The following FNDC3B variants were observed in gnomAD, a reference collection of about 807,000 sequenced individuals.
FNDC3B encodes fibronectin type III domain containing 3B, also known as fibronectin type III domain-containing protein 3B.
A neutral mutation model predicts 151.5 loss-of-function variants in FNDC3B; 12 were observed. The observed-to-expected ratio is 0.08, with a 90% confidence interval of 0.05 to 0.13. The LOEUF (loss-of-function observed/expected upper bound fraction) is 0.13, where lower values mean the gene tolerates loss of function less well. Ranked by LOEUF, FNDC3B falls within the 10% of genes least tolerant of loss-of-function variation. The pLI is 1.00. For synonymous variants in FNDC3B, 528 were observed against 549.0 expected (o/e 0.96, Z 0.54); for missense variants, 1,214 against 1,505.3 (o/e 0.81, Z 3.20).
At chr3:172,174,050 T>C (rs1723422722) in intron 3 of FNDC3B, among the ~76,000 whole-genome samples, 1 of 152,158 alleles carries the variant, frequency 6.6e-6, no homozygotes, top group South Asian at 2.1e-4. Context: ...GGGAAATGTG[T>C]CTGTACTCTG....
At chr3:172,215,649 A>G (rs1725941402) in intron 3 of FNDC3B, among the ~76,000 whole-genome samples, 1 of 152,152 alleles carries the variant, frequency 6.6e-6, no homozygotes, top group South Asian at 2.1e-4. Context: ...ACTTAAACCC[A>G]GGAGGCAGAG....
chr3:172,229,017 G>C (rs1297957225), intron 4 of FNDC3B, among the ~76,000 whole-genome samples: 1 of 151,104 alleles, frequency 6.6e-6, no homozygotes, highest in Non-Finnish European at 1.5e-5. Context: ...AAATGTCTTA[G>C]TTGTCTTGTT....
chr3:172,316,463 C>A (rs1260875398), intron 11 of FNDC3B: 5 of 455,824 alleles, frequency 1.1e-5, no homozygotes, highest in Non-Finnish European at 1.8e-5. Context: ...TCATAAATGT[C>A]TGCCCAGTCT....
intron 3 of FNDC3B, among the ~76,000 whole-genome samples, chr3:172,221,933 C>T (rs1472315500): frequency 6.6e-6 from 1 of 152,170 alleles, no homozygotes; most frequent in East Asian, 1.9e-4. Flanking sequence ...CTAGCTGTGG[C>T]CTTATGGCTA....
At chr3:172,218,605 A>C (rs2108727482) in intron 3 of FNDC3B, among the ~76,000 whole-genome samples, 1 of 152,352 alleles carries the variant, frequency 6.6e-6, no homozygotes, top group African/African-American at 2.4e-5. Context: ...TCATCGAGGC[A>C]CAGTGCTAGG....
intron 1 of FNDC3B, among the ~76,000 whole-genome samples, chr3:172,060,603 G>T (rs1045708247): frequency 6.6e-6 from 1 of 152,186 alleles, no homozygotes; most frequent in African/African-American, 2.4e-5. Flanking sequence ...TAAAGATGCG[G>T]CAAGAGAAGA....
intron 3 of FNDC3B, among the ~76,000 whole-genome samples, chr3:172,146,388 G>A (rs998245602): frequency 2.6e-5 from 4 of 151,928 alleles, no homozygotes; most frequent in African/African-American, 7.3e-5. Context: ...AATTACCTGG[G>A]AACTTAAAAA....
intron 21 of FNDC3B, among the ~76,000 whole-genome samples, chr3:172,347,602 C>G (rs952237408): frequency 1.3e-5 from 2 of 152,156 alleles, no homozygotes; most frequent in African/African-American, 4.8e-5. Flanking sequence ...TTCTCACCAC[C>G]CTTGTATCTT....
rs1290214708 is a variant in FNDC3B at position 172,400,078 on chromosome 3, C to T, written c.*2603C>T. The T allele has an allele frequency of 6.6e-6, 1 of 152,352 alleles. No homozygotes were observed. Among genetic ancestry groups the T allele is most frequent in the East Asian group, 1.9e-4 (1 of 5,202 alleles). The allele number at this position is 152,352 out of a possible 1,614,324, so 9.4% of individuals were successfully genotyped here. Reference sequence around the variant, plus strand: ...ATGTATATGTGATATTGATATATAACTATATATATTGCCATCACACACGAA... The same window carrying T: ...ATGTATATGTGATATTGATATATAATTATATATATTGCCATCACACACGAA... On this transcript the variant is annotated 3_prime_UTR_variant, in exon 26 of 26. Coordinates refer to ENST00000415807, the MANE Select transcript of FNDC3B (RefSeq NM_022763.4).
intron 22 of FNDC3B, among the ~76,000 whole-genome samples, chr3:172,356,227 G>C (rs924329632): frequency 6.6e-6 from 1 of 152,140 alleles, no homozygotes; most frequent in Admixed American, 6.5e-5. Flanking sequence ...TAGCAGACGA[G>C]TCAGACAGCC....
At chr3:172,236,541 C>A (rs938351445) in intron 4 of FNDC3B, among the ~76,000 whole-genome samples, 2 of 152,150 alleles carry the variant, frequency 1.3e-5, no homozygotes, top group Non-Finnish European at 2.9e-5. Flanking sequence ...TTAAGTTAAT[C>A]AATTGCTGTT....
chr3:172,298,849 G>A (rs567102702), intron 9 of FNDC3B, 62 bp downstream of exon 9: 35 of 1,230,006 alleles, frequency 2.8e-5, no homozygotes, highest in Admixed American at 1.9e-4. Flanking sequence ...GCAAAAACAT[G>A]TACTCCCTTT....
intron 1 of FNDC3B, among the ~76,000 whole-genome samples, chr3:172,065,238 A>G (rs537086092): frequency 2.6e-5 from 4 of 152,350 alleles, no homozygotes; most frequent in African/African-American, 9.6e-5. Flanking sequence ...AGTCTGAGGC[A>G]GGAGAATTGC....
intron 3 of FNDC3B, among the ~76,000 whole-genome samples, chr3:172,210,132 C>T (rs552886661): frequency 1.9e-4 from 29 of 152,244 alleles, no homozygotes; most frequent in Middle Eastern, 3.4e-3. Flanking sequence ...GACGCAGGCT[C>T]CCACCCTGCC....
chr3:172,376,087 T>C (rs1315448496), intron 23 of FNDC3B, among the ~76,000 whole-genome samples: 3 of 152,224 alleles, frequency 2.0e-5, no homozygotes, highest in Admixed American at 6.5e-5. Flanking sequence ...TATCAGCTGT[T>C]TCCACTATGT....
At chr3:172,062,761 T>TCCAC (rs2108474215) in intron 1 of FNDC3B, among the ~76,000 whole-genome samples, 1 of 152,208 alleles carries the variant, frequency 6.6e-6, no homozygotes, top group African/African-American at 2.4e-5. Context: ...TATCCATCCA[T>TCCAC]CCACCCATCC....
intron 3 of FNDC3B, among the ~76,000 whole-genome samples, chr3:172,209,012 C>T (rs1725577934): frequency 6.6e-6 from 1 of 152,008 alleles, no homozygotes; most frequent in African/African-American, 2.4e-5. Flanking sequence ...CCACAGAGCC[C>T]CAAAGAGGGT....
chr3:172,372,289 G>T (rs1159419759), intron 23 of FNDC3B, among the ~76,000 whole-genome samples: 1 of 152,138 alleles, frequency 6.6e-6, no homozygotes, highest in Non-Finnish European at 1.5e-5. Flanking sequence ...AGCTTCATGG[G>T]CACAGGCAGC....
chr3:172,287,673 C>T (rs1365689838), intron 7 of FNDC3B, among the ~76,000 whole-genome samples: 1 of 152,200 alleles, frequency 6.6e-6, no homozygotes, highest in Non-Finnish European at 1.5e-5. Flanking sequence ...TGTTTATGCA[C>T]ACAGTGCTGT....
Sources: allele counts gnomAD v4.1 joint callset (sites outside exome capture counted in the v4.1 genomes callset), GRCh38; gene constraint gnomAD v4.1.1; transcripts MANE v1.5; gene names NCBI Gene and HGNC (gene_info 2026-07-23, HGNC 2026-07-21).